The following BCAR3 variants were observed in gnomAD, a reference collection of about 807,000 sequenced individuals.
BCAR3 encodes the protein breast cancer anti-estrogen resistance protein 3.
In BCAR3, 37 loss-of-function variants were observed where a neutral mutation model predicts 80.1. The observed-to-expected ratio is 0.46, with a 90% CI of 0.36 to 0.61. The LOEUF is 0.61. BCAR3 is among the 20% of genes least tolerant of loss of function. The probability of loss-of-function intolerance (pLI) is 0.00; values close to 1 mark genes in which losing one functional copy is unlikely to be tolerated. For synonymous variants in BCAR3, 389 were observed against 418.9 expected, an observed-to-expected ratio of 0.93 and a Z score of 0.87; for missense variants, 978 against 1,068.2, an observed-to-expected ratio of 0.92 and a Z score of 1.18.
rs1004886082 is a variant in BCAR3, at chr1:93,563,914, G to A, written c.2300-1495C>T. Among the ~76,000 whole-genome samples the A allele has an allele frequency of 1.3e-4, 20 of 152,096 alleles. 1 individual carries two copies. In the South Asian group the frequency reaches 2.7e-3, roughly 21 times the overall value. ...TTGCCATGTTGGCCAGGCTGGTCTC[G>A]AACTTTTGACCTCAGGTGATCCACC... On this transcript the variant is annotated intron_variant, in intron 11 of 11. Coordinates refer to ENST00000260502, the MANE Select transcript of BCAR3 (RefSeq NM_003567.4).
intron 9 of BCAR3, among the ~76,000 whole-genome samples, chr1:93,570,616 G>C (rs758749455): frequency 6.6e-6 from 1 of 152,092 alleles, no homozygotes; most frequent in Non-Finnish European, 1.5e-5. Flanking sequence ...TATGGCAGAT[G>C]GACCAGGAAT....
chr1:93,639,480 T>G (rs1482883606), intron 3 of BCAR3, among the ~76,000 whole-genome samples: 1 of 149,484 alleles, frequency 6.7e-6, no homozygotes, highest in African/African-American at 2.5e-5. Context: ...GCAGCATTTT[T>G]TTTTTTTTTT....
At chr1:93,727,166 A>C (rs1441650691) in intron 2 of BCAR3, among the ~76,000 whole-genome samples, 1 of 152,206 alleles carries the variant, frequency 6.6e-6, no homozygotes. Context: ...CTATGGTCCT[A>C]AAGTGGGGAT....
At chr1:93,785,177 C>A (rs116824091) in intron 2 of BCAR3, among the ~76,000 whole-genome samples, 2,023 of 152,304 alleles carry the variant, frequency 0.013, 39 homozygotes, top group African/African-American at 0.046. Flanking sequence ...AAAAAAGAAA[C>A]CCCAAAATGT....
At chr1:93,738,634 G>A (rs946260403) in intron 2 of BCAR3, among the ~76,000 whole-genome samples, 2 of 152,182 alleles carry the variant, frequency 1.3e-5, no homozygotes, top group African/African-American at 4.8e-5. Flanking sequence ...GGCTGGGCAG[G>A]GCAGGGCAAG....
intron 3 of BCAR3, among the ~76,000 whole-genome samples, chr1:93,687,908 C>T (rs1363668845): frequency 6.6e-6 from 1 of 152,124 alleles, no homozygotes; most frequent in African/African-American, 2.4e-5. Context: ...AAGCTATCAC[C>T]AAGGAAGATC....
intron 2 of BCAR3, among the ~76,000 whole-genome samples, chr1:93,730,878 TTGGCAGTAGAGAACCC>T (rs1470364747): frequency 2.6e-5 from 4 of 152,158 alleles, no homozygotes; most frequent in Admixed American, 2.6e-4. Flanking sequence ...GGGAAAGAAC[TTGGCAGTAGAGAACCC>T]TGGCAAACAC....
intron 2 of BCAR3, among the ~76,000 whole-genome samples, chr1:93,760,986 A>T (rs1010126845): frequency 1.3e-5 from 2 of 152,156 alleles, no homozygotes; most frequent in African/African-American, 4.8e-5. Flanking sequence ...AAGGAAATAT[A>T]AGCCACTCCT....
At position 93,835,306 on chromosome 1, in the gene BCAR3, C is replaced by A. The variant is rs190537687; in HGVS notation, c.-63+10261G>T. On this transcript the variant is annotated intron_variant, in intron 2 of 13. Coordinates refer to the BCAR3 transcript ENST00000370244. ...CAAAGGAAGCTGGAGTCATTCACTG[C>A]AAGGGCCATCAAAAGGCATCAGATC... 1.4e-3 allele frequency among the ~76,000 whole-genome samples: 208 copies of A among 152,310 alleles called. 2 individuals are homozygous for A. Among genetic ancestry groups the A allele is most frequent in the African/African-American group, 4.7e-3 (196 of 41,560 alleles).
At chr1:93,767,243 C>T (rs1652185812) in intron 2 of BCAR3, among the ~76,000 whole-genome samples, 1 of 152,112 alleles carries the variant, frequency 6.6e-6, no homozygotes, top group African/African-American at 2.4e-5. Context: ...TACTTTTTGG[C>T]TGGGTAGGGT....
chr1:93,627,687 A>C (rs1012567358), intron 3 of BCAR3, among the ~76,000 whole-genome samples: 7 of 152,258 alleles, frequency 4.6e-5, no homozygotes, highest in African/African-American at 1.7e-4. Flanking sequence ...AATGCTCATC[A>C]AGTAAAAATA....
chr1:93,636,993 G>A (rs955249990), intron 3 of BCAR3, among the ~76,000 whole-genome samples: 1 of 152,070 alleles, frequency 6.6e-6, no homozygotes, highest in African/African-American at 2.4e-5. Context: ...TACCTGAGGG[G>A]GCTGAGGTGG....
At chr1:93,670,510 T>C (rs1648152121) in intron 2 of BCAR3, among the ~76,000 whole-genome samples, 1 of 152,162 alleles carries the variant, frequency 6.6e-6, no homozygotes, top group Admixed American at 6.5e-5. Flanking sequence ...CCACAGCTGG[T>C]GCCAACATTC....
intron 3 of BCAR3, among the ~76,000 whole-genome samples, chr1:93,689,710 C>T (rs946078997): frequency 2.2e-4 from 33 of 152,014 alleles, no homozygotes; most frequent in African/African-American, 7.0e-4. Context: ...GAGTTATGAC[C>T]GGAAAGGGCT....
intron 2 of BCAR3, among the ~76,000 whole-genome samples, chr1:93,759,204 G>A (rs756231690): frequency 1.3e-5 from 2 of 152,120 alleles, no homozygotes; most frequent in Non-Finnish European, 2.9e-5. Context: ...AAAGGCTTTT[G>A]CCACCAACAA....
At chr1:93,638,761 C>T (rs938649182) in intron 3 of BCAR3, among the ~76,000 whole-genome samples, 2 of 152,048 alleles carry the variant, frequency 1.3e-5, no homozygotes, top group African/African-American at 2.4e-5. Context: ...TGCAGGGAAA[C>T]AGAATCAATT....
At chr1:93,811,901 T>A (rs1653857364) in intron 2 of BCAR3, among the ~76,000 whole-genome samples, 1 of 152,216 alleles carries the variant, frequency 6.6e-6, no homozygotes, top group Non-Finnish European at 1.5e-5. Context: ...TCGGCCATTA[T>A]GAGAGAATTT....
intron 2 of BCAR3, among the ~76,000 whole-genome samples, chr1:93,809,773 GATAAAAAAAAA>G (rs1653767973): frequency 2.1e-5 from 1 of 46,982 alleles, no homozygotes; most frequent in African/African-American, 8.1e-5. Context: ...GTCTCAAAAA[GATAAAAAAAAA>G]AAAAAAAAAA....
At chr1:93,818,974 T>G (rs1483763795) in intron 2 of BCAR3, among the ~76,000 whole-genome samples, 2 of 152,184 alleles carry the variant, frequency 1.3e-5, no homozygotes, top group Non-Finnish European at 2.9e-5. Context: ...ATATGATATT[T>G]TTGTAAATAG....
Sources: gnomAD v4.1 joint callset for allele counts (sites outside exome capture counted in the v4.1 genomes callset) on GRCh38, gnomAD v4.1.1 for gene constraint, MANE v1.5 for transcripts, NCBI Gene and HGNC (gene_info 2026-07-23, HGNC 2026-07-21) for gene names.